The following NEB variants were observed in gnomAD, a reference collection of about 807,000 sequenced individuals.
The protein encoded by NEB is nebulin.
NEB carries 512 observed loss-of-function variants against 952.2 expected under a neutral mutation model. That is an observed-to-expected ratio of 0.54 (90% CI 0.50 to 0.58). The LOEUF (loss-of-function observed/expected upper bound fraction) is 0.58. NEB is among the 20% of genes least tolerant of loss of function. The pLI is 0.00. For synonymous variants in NEB, 2,900 were observed against 3,149.8 expected, an observed-to-expected ratio of 0.92 and a Z score of 2.66; for missense variants, 8,428 against 9,231.1, an observed-to-expected ratio of 0.91 and a Z score of 3.56.
In NEB at chr2:151,656,231, G is replaced by A. The variant is rs750952879; in HGVS notation, c.6417C>T (p.His2139=). The change falls in exon 49 of 182, where the codon CAC becomes CAT. Residue 2139 remains histidine, a synonymous_variant. Coordinates refer to ENST00000397345, the MANE Select transcript of NEB (RefSeq NM_001164508.2). ...QANITNTNYK[H]LIHKYILLPD... ...GAAGGAGGATGTACTTGTGAATCAG[G>A]TGCTTGTAGTTAGTGTTGGTGATGT... 10 of 1,613,336 alleles carry A rather than the reference G, an allele frequency of 6.2e-6. No individual in the cohort carries two copies. Among genetic ancestry groups the A allele is most frequent in the Non-Finnish European group, 8.5e-6 (10 of 1,179,534 alleles).
At position 151,665,526 on chromosome 2, in the gene NEB, GATTTGT is replaced by G. The variant is rs1300563797; in HGVS notation, c.5039_5044del (p.Tyr1680_Lys1681del). 10 of 1,599,802 alleles carry G rather than the reference GATTTGT, an allele frequency of 6.3e-6. No individual in the cohort carries two copies. The highest frequency in any genetic ancestry group is 6.8e-6 in the Non-Finnish European group (8 of 1,172,806). ...CCCTTTCATCCAATTGGTGAAGTCA[GATTTGT>G]ACAGATTCTTTACAATGAGAAAAAA... On this transcript the variant is annotated inframe_deletion, in exon 42 of 182. Transcript: ENST00000397345.
rs1465681223 is a variant in NEB, at chr2:151,607,219, A to G, written c.12639+285T>C. On this transcript the variant is annotated intron_variant, in intron 83 of 181. Transcript: ENST00000397345. ...AAATGAAAAAGTCCTGGATCAATTA[A>G]AAAAACCTAAGATGATAACAGAGAC... 2.4e-4 allele frequency among the ~76,000 whole-genome samples: 25 copies of G among 103,876 alleles called. 7 individuals are homozygous for G. The highest frequency in any genetic ancestry group is 9.0e-4 in the Admixed American group (7 of 7,762). The allele number at this position is 103,876 out of a possible 152,430, so 68.1% of individuals were successfully genotyped here.
In NEB at chr2:151,496,947, A is replaced by C. The variant is rs750421861; in HGVS notation, c.24387T>G (p.Ile8129Met). The C allele has an allele frequency of 6.4e-7, 1 of 1,573,736 alleles. No individual in the cohort carries two copies. Among genetic ancestry groups the C allele is most frequent in the African/African-American group, 1.3e-5 (1 of 74,298 alleles). ...MERVKHNQEN[I>M]SSVLYKENMG... ...TCTTTTCTTGCCCAAGTACCGAGCT[A>C]ATATTTTCTTGATTGTGTTTGACTC... Residue 8129 changes from isoleucine to methionine, a missense_variant, in exon 172 of 182, where the codon ATT (isoleucine) becomes ATG (methionine). Ile to Met is a conservative substitution (Grantham distance 10, BLOSUM62 1). Coordinates refer to ENST00000397345, the MANE Select transcript of NEB (RefSeq NM_001164508.2).
intron 8 of NEB, among the ~76,000 whole-genome samples, chr2:151,723,862 A>T (rs551363476): frequency 8.6e-5 from 13 of 151,148 alleles, no homozygotes; most frequent in Non-Finnish European, 1.9e-4. Flanking sequence ...AGTTCAGGGC[A>T]ATATAGGACA....
intron 107 of NEB, among the ~76,000 whole-genome samples, chr2:151,573,015 G>T (rs2096697887): frequency 6.6e-6 from 1 of 152,104 alleles, no homozygotes; most frequent in South Asian, 2.1e-4. Context: ...TCAATGTAGT[G>T]AGCATGAAGA....
In NEB at chr2:151,563,683, G is replaced by A; in HGVS notation, c.18616C>T (p.His6206Tyr). Reference sequence around the variant, plus strand: ...CCGATCACTTTTCCAGCCAGGTAGTGACCTTTCTGCTTCTCATATGTCTCT... The same window carrying A: ...CCGATCACTTTTCCAGCCAGGTAGTAACCTTTCTGCTTCTCATATGTCTCT... Reference protein sequence around the residue: ...YKETYEKQKGHYLAGKVIGEF... With the variant: ...YKETYEKQKGYYLAGKVIGEF... The change falls in exon 119 of 182, where the codon CAC (histidine) becomes TAC (tyrosine). Residue 6206 changes from histidine to tyrosine, a missense_variant. This residue lies in a region of NEB where 3,374 missense variants were observed against 3,651.5 expected (regional missense o/e 0.92). Coordinates refer to ENST00000397345, the MANE Select transcript of NEB (RefSeq NM_001164508.2). 6.2e-7 allele frequency: 1 copy of A among 1,613,844 alleles called. No homozygotes were observed. The highest frequency in any genetic ancestry group is 8.5e-7 in the Non-Finnish European group (1 of 1,179,772).
chr2:151,650,915 G>A (rs1251341816), intron 52 of NEB, 30 bp from the exon 53 acceptor site: 1 of 1,549,454 alleles, frequency 6.5e-7, no homozygotes. Flanking sequence ...AGCTCTTTTA[G>A]TACACAAAGG....
rs35292878 is a variant in NEB, at chr2:151,646,152, G to T, written c.7514C>A (p.Ala2505Glu). 820 of 1,597,250 alleles carry T rather than the reference G, an allele frequency of 5.1e-4. 5 individuals carry two copies. In the African/African-American group the frequency reaches 9.9e-3, roughly 19 times the overall value. ...PDTPDIVLAK[A>E]NLINTSDKLY... is the part of the protein sequence containing the mutation. ...TACATCACTTGTGTTGATTAAGTTT[G>T]CTTTAGCCAGAACAATGTCAGGTGT... The change falls in exon 55 of 182, where the codon GCA becomes GAA. Residue 2505 changes from alanine to glutamate, a missense_variant. Ala to Glu is a moderately radical substitution (Grantham distance 107). Around this residue, in one of 11 missense-constraint regions of NEB, gnomAD observed 1,772 missense variants for 1,960.3 expected, o/e 0.90. Coordinates refer to ENST00000397345, the MANE Select transcript of NEB (RefSeq NM_001164508.2).
rs553079055 is a variant in NEB, at chr2:151,552,707, C to T, written c.19801G>A (p.Val6601Met). ...TGTTTCCCACTTTTGACAGCCTGCA[C>T]GTAGACTGGTGTATCTGTGACAAGC... ...YKLVTDTPVY[V>M]QAVKSGKQLS... The change falls in exon 128 of 182, where the codon GTG becomes ATG. Residue 6601 changes from valine (V) to methionine (M), a missense_variant. By Grantham distance (21) the Val-to-Met change is conservative. This residue lies in a region of NEB where 3,374 missense variants were observed against 3,651.5 expected (regional missense o/e 0.92). Coordinates refer to ENST00000397345, the MANE Select transcript of NEB (RefSeq NM_001164508.2). The T allele has an allele frequency of 5.7e-5, 92 of 1,613,322 alleles. No homozygotes were observed. The highest frequency in any genetic ancestry group is 3.3e-4 in the Admixed American group (20 of 59,988).
chr2:151,691,805 C>T (rs1576504866), intron 23 of NEB, 59 bp downstream of exon 23: 5 of 1,189,648 alleles, frequency 4.2e-6, no homozygotes, highest in Non-Finnish European at 4.9e-6. Flanking sequence ...GCTAAATTTA[C>T]CACTAGATGT....
chr2:151,704,810 C>T (rs1424432114), intron 13 of NEB, among the ~76,000 whole-genome samples: 2 of 152,190 alleles, frequency 1.3e-5, no homozygotes, highest in Non-Finnish European at 2.9e-5. Flanking sequence ...ATGCAGAAAT[C>T]ACCCGTCTTC....
At position 151,538,142 on chromosome 2, in the gene NEB, T is replaced by A. The variant is rs2153553617; in HGVS notation, c.20995A>T (p.Lys6999Ter). Reference protein sequence around the residue: ...YHRKVTDDISKIKYKENYMSQ... With the variant: ...YHRKVTDDIS The stretch of plus-strand genomic sequence containing the variant: ...AGTAGAAATATTTAGGGACATACTT[T>A]ACTGATGTCATCTGTGACTTTGCGA... Residue 6999 changes from lysine (K) to a stop codon, truncating the protein, a stop_gained and splice_region_variant, in exon 139 of 182, where the codon AAA becomes TAA. Coordinates refer to ENST00000397345, the MANE Select transcript of NEB (RefSeq NM_001164508.2). LOFTEE classifies it high-confidence loss of function. 6.2e-7 allele frequency: 1 copy of A among 1,601,136 alleles called. No individual in the cohort carries two copies. Among genetic ancestry groups the A allele is most frequent in the Non-Finnish European group, 8.6e-7 (1 of 1,168,710 alleles).
At chr2:151,556,784 C>T (rs980124555) in intron 124 of NEB, among the ~76,000 whole-genome samples, 6 of 151,838 alleles carry the variant, frequency 4.0e-5, no homozygotes, top group Non-Finnish European at 8.8e-5. Context: ...CACCTCCTGT[C>T]GACACTAGAC....
chr2:151,727,698 A>G lies in NEB; in HGVS notation c.287T>C (p.Phe96Ser), dbSNP rs753157636. 7.4e-6 allele frequency: 12 copies of G among 1,612,120 alleles called. No homozygotes were observed. The highest frequency in any genetic ancestry group is 1.7e-4 in the Middle Eastern group (1 of 6,050). Residue 96 changes from phenylalanine to serine, a missense_variant, in exon 5 of 182, where the codon TTT becomes TCT. Coordinates refer to ENST00000397345, the MANE Select transcript of NEB (RefSeq NM_001164508.2). ...IAHSQKMQDLFSPNKYKEKFE... is the reference protein window; with the variant it reads ...IAHSQKMQDLSSPNKYKEKFE... ...AAGTTGTTTGAAACTTACTGGGCTA[A>G]AAAGATCCTGCATTTTCTGACTGTG...
intron 171 of NEB, chr2:151,497,377 G>GA (rs2060932124): frequency 1.0e-6 from 1 of 980,644 alleles, no homozygotes; most frequent in Non-Finnish European, 1.2e-6. Flanking sequence ...CACACAAACT[G>GA]AAAAACTCAT....
At chr2:151,510,212 C>G (rs2073028686) in intron 161 of NEB, among the ~76,000 whole-genome samples, 1 of 152,126 alleles carries the variant, frequency 6.6e-6, no homozygotes, top group African/African-American at 2.4e-5. Flanking sequence ...TTCAGACCCC[C>G]AATAAACTTG....
chr2:151,504,808 C>G (rs1344357212), intron 165 of NEB, among the ~76,000 whole-genome samples: 1 of 152,150 alleles, frequency 6.6e-6, no homozygotes, highest in African/African-American at 2.4e-5. Context: ...CCTGATATTT[C>G]AGGTGTGGGG....
intron 123 of NEB, 134 bp from the exon 124 acceptor site, chr2:151,560,833 G>T: frequency 2.6e-6 from 2 of 777,120 alleles, no homozygotes; most frequent in Non-Finnish European, 4.1e-6. Context: ...TTAAGGTGGG[G>T]CTTATTTAAT....
intron 48 of NEB, among the ~76,000 whole-genome samples, chr2:151,656,791 G>A (rs1221423168): frequency 6.6e-6 from 1 of 151,554 alleles, no homozygotes; most frequent in African/African-American, 2.4e-5. Context: ...ACTTATGCAT[G>A]TACTTTGCTG....
Sources: allele counts gnomAD v4.1 joint callset (sites outside exome capture counted in the v4.1 genomes callset), GRCh38; gene constraint gnomAD v4.1.1; regional missense constraint gnomAD v4.1.1; transcripts MANE v1.5; gene names NCBI Gene and HGNC (gene_info 2026-07-23, HGNC 2026-07-21).